GRM8: variants seen among roughly 807,000 people sequenced by gnomAD.
GRM8 encodes glutamate metabotropic receptor 8.
GRM8 carries 47 observed loss-of-function variants against 87.2 expected under a neutral mutation model. The observed-to-expected ratio is 0.54, with a 90% CI of 0.43 to 0.69. The LOEUF (loss-of-function observed/expected upper bound fraction) is 0.69. Among genes scored for constraint, GRM8 ranks in the 30% least tolerant of loss-of-function variants. GRM8 has a pLI of 0.00. For synonymous variants in GRM8, 396 were observed against 404.5 expected, an observed-to-expected ratio of 0.98 and a Z score of 0.25; for missense variants, 1,019 against 1,139.2, an observed-to-expected ratio of 0.89 and a Z score of 1.52.
chr7:127,116,925 A>C (rs1826732066), intron 2 of GRM8, among the ~76,000 whole-genome samples: 1 of 152,188 alleles, frequency 6.6e-6, no homozygotes, highest in South Asian at 2.1e-4. Context: ...ATGCTACGTA[A>C]TTTATCAGCA....
rs773663530 is a variant in GRM8, at chr7:126,533,851, G to C, written c.1531C>G (p.His511Asp). 3.7e-6 allele frequency: 6 copies of C among 1,613,802 alleles called. No homozygotes were observed. The Admixed American group carries it at 1.0e-4, about 27-fold the overall frequency. ...DMQWAHREHT[H>D]PASVCSLPCK... ...GGCAGGCTGCAGACAGACGCCGGGT[G>C]AGTATGTTCTCTATGAGCCCACTGC... The change falls in exon 9 of 11, where the codon CAC becomes GAC. Residue 511 changes from histidine (H) to aspartate (D), a missense_variant. Transcript: ENST00000339582.
intron 8 of GRM8, among the ~76,000 whole-genome samples, chr7:126,572,390 C>A (rs1794758287): frequency 6.6e-6 from 1 of 152,096 alleles, no homozygotes; most frequent in African/African-American, 2.4e-5. Flanking sequence ...AAGAAATATT[C>A]CAATGCTGAT....
chr7:126,534,081 C>A (rs1281823654), intron 8 of GRM8, among the ~76,000 whole-genome samples, 194 bp from the exon 9 acceptor site: 1 of 152,078 alleles, frequency 6.6e-6, no homozygotes. Flanking sequence ...ATATCATTCA[C>A]CTCATCAACT....
intron 2 of GRM8, among the ~76,000 whole-genome samples, chr7:127,181,039 A>C (rs1258014677): frequency 1.3e-5 from 2 of 152,122 alleles, no homozygotes; most frequent in African/African-American, 4.8e-5. Flanking sequence ...AAATCAGTAA[A>C]GAGAAAGTCA....
chr7:127,242,737 G>A lies in GRM8; in HGVS notation c.468C>T (p.Ser156=). The A allele has an allele frequency of 6.2e-7, 1 of 1,614,184 alleles. No homozygotes were observed. Among genetic ancestry groups the A allele is most frequent in the Non-Finnish European group, 8.5e-7 (1 of 1,180,020 alleles). The change falls in exon 2 of 11, where the codon AGC becomes AGT. Residue 156 remains serine, a synonymous_variant. Coordinates refer to ENST00000339582, the MANE Select transcript of GRM8 (RefSeq NM_000845.3). ...KISGVIGAAA[S]SVSIMVANIL... ...TGTTAGCAACCATGATGGACACGGA[G>A]CTTGCTGCAGCACCTATGACGCCAG...
At chr7:127,172,271 T>C (rs1392559577) in intron 2 of GRM8, among the ~76,000 whole-genome samples, 1 of 152,194 alleles carries the variant, frequency 6.6e-6, no homozygotes, top group Non-Finnish European at 1.5e-5. Flanking sequence ...CAATAATTGG[T>C]TCTTTCCCTT....
chr7:127,019,634 A>C (rs1816060381), intron 3 of GRM8, among the ~76,000 whole-genome samples: 1 of 152,076 alleles, frequency 6.6e-6, no homozygotes, highest in African/African-American at 2.4e-5. Context: ...CAAGTATTAC[A>C]AACACCAAGA....
chr7:126,906,440 G>A (rs114510425), intron 3 of GRM8, among the ~76,000 whole-genome samples: 2,302 of 152,066 alleles, frequency 0.015, 50 homozygotes, highest in African/African-American at 0.052. Context: ...CTCATCCTCC[G>A]GAGTAACTGG....
intron 7 of GRM8, among the ~76,000 whole-genome samples, chr7:126,764,261 T>C (rs1817951954): frequency 6.6e-6 from 1 of 152,016 alleles, no homozygotes; most frequent in Non-Finnish European, 1.5e-5. Flanking sequence ...AGAGTAACTA[T>C]AAATATAAAA....
At chr7:127,013,935 T>C (rs1161561744) in intron 3 of GRM8, among the ~76,000 whole-genome samples, 1 of 152,180 alleles carries the variant, frequency 6.6e-6, no homozygotes, top group African/African-American at 2.4e-5. Context: ...AATTGACATA[T>C]AAGCACCTAA....
intron 7 of GRM8, among the ~76,000 whole-genome samples, chr7:126,662,770 A>G (rs1357208874): frequency 6.6e-6 from 1 of 152,180 alleles, no homozygotes; most frequent in Non-Finnish European, 1.5e-5. Context: ...GTACAACAAG[A>G]GTCGTAAAGC....
At chr7:126,826,055 AT>A (rs1250292848) in intron 6 of GRM8, among the ~76,000 whole-genome samples, 1 of 152,054 alleles carries the variant, frequency 6.6e-6, no homozygotes, top group Non-Finnish European at 1.5e-5. Flanking sequence ...TGAACTCATC[AT>A]TTTTTATGGC....
intron 2 of GRM8, among the ~76,000 whole-genome samples, chr7:127,221,206 T>C (rs1796908172): frequency 6.6e-6 from 1 of 152,210 alleles, no homozygotes; most frequent in South Asian, 2.1e-4. Context: ...GTCATTTACA[T>C]GTAAGGCAGA....
At chr7:126,571,645 T>A (rs997868076) in intron 8 of GRM8, among the ~76,000 whole-genome samples, 1 of 152,120 alleles carries the variant, frequency 6.6e-6, no homozygotes, top group Non-Finnish European at 1.5e-5. Flanking sequence ...AGAGTCTGAA[T>A]CCCTGGGCTG....
At chr7:126,586,844 C>G (rs1013527784) in intron 8 of GRM8, among the ~76,000 whole-genome samples, 15 of 152,086 alleles carry the variant, frequency 9.9e-5, no homozygotes, top group Non-Finnish European at 2.2e-4. Context: ...TCTAATTAAA[C>G]TAAAGGGCTT....
At chr7:126,531,703 T>G (rs1269875553) in intron 9 of GRM8, among the ~76,000 whole-genome samples, 1 of 152,236 alleles carries the variant, frequency 6.6e-6, no homozygotes, top group African/African-American at 2.4e-5. Flanking sequence ...TTTATTCTCT[T>G]CAGCAGCAAG....
chr7:126,617,156 CA>C (rs1403334060), intron 7 of GRM8, among the ~76,000 whole-genome samples: 1 of 152,110 alleles, frequency 6.6e-6, no homozygotes, highest in African/African-American at 2.4e-5. Flanking sequence ...AATCCAGAAG[CA>C]CATCAAAAAG....
intron 3 of GRM8, among the ~76,000 whole-genome samples, chr7:127,037,061 C>G (rs1250843981): frequency 1.3e-5 from 2 of 152,090 alleles, no homozygotes; most frequent in Non-Finnish European, 2.9e-5. Context: ...CTCTCAGTGC[C>G]TTTGCTCAAC....
At chr7:126,887,726 A>G (rs1423861927) in intron 6 of GRM8, among the ~76,000 whole-genome samples, 1 of 152,074 alleles carries the variant, frequency 6.6e-6, no homozygotes, top group Non-Finnish European at 1.5e-5. Context: ...GGTCATTTAA[A>G]CATTTAATCA....
Sources: allele counts gnomAD v4.1 joint callset (sites outside exome capture counted in the v4.1 genomes callset), GRCh38; gene constraint gnomAD v4.1.1; transcripts MANE v1.5; gene names NCBI Gene and HGNC (gene_info 2026-07-23, HGNC 2026-07-21).